Variants in ATXN1 observed in about 807,000 individuals in gnomAD.
The protein encoded by ATXN1 is ataxin-1.
ATXN1 carries 8 observed loss-of-function variants against 56.4 expected under a neutral mutation model. The ratio of observed to expected loss-of-function variants is 0.14; its 90% confidence interval spans 0.08 to 0.26. The LOEUF (loss-of-function observed/expected upper bound fraction) is 0.26. Ranked by LOEUF, ATXN1 falls within the 10% of genes least tolerant of loss-of-function variation. ATXN1 has a pLI of 1.00. For missense variants in ATXN1, 987 were observed against 1,106.5 expected (o/e 0.89, Z 1.53); for synonymous variants, 514 against 494.6 (o/e 1.04, Z -0.52).
intron 6 of ATXN1, among the ~76,000 whole-genome samples, chr6:16,347,160 G>A (rs1037015960): frequency 7.2e-5 from 11 of 152,204 alleles, no homozygotes; most frequent in Non-Finnish European, 1.3e-4. Context: ...GAGCCTCCCC[G>A]ACGAGCGCCG....
At chr6:16,547,801 A>C (rs1375574787) in intron 4 of ATXN1, among the ~76,000 whole-genome samples, 1 of 152,168 alleles carries the variant, frequency 6.6e-6, no homozygotes, top group Non-Finnish European at 1.5e-5. Flanking sequence ...GAGATGAGTC[A>C]TATCAGATTA....
chr6:16,444,654 C>T (rs190840048), intron 6 of ATXN1, among the ~76,000 whole-genome samples: 31 of 152,042 alleles, frequency 2.0e-4, no homozygotes, highest in Admixed American at 7.2e-4. Flanking sequence ...CCTGAAGCAC[C>T]GGGTAGATAA....
intron 3 of ATXN1, among the ~76,000 whole-genome samples, chr6:16,626,988 G>A (rs1417522700): frequency 1.3e-5 from 2 of 152,162 alleles, no homozygotes; most frequent in Non-Finnish European, 2.9e-5. Context: ...TGCTGTTTAA[G>A]CCACTCAGTC....
chr6:16,355,610 G>A (rs181799246), intron 6 of ATXN1, among the ~76,000 whole-genome samples: 2,100 of 151,536 alleles, frequency 0.014, 19 homozygotes, highest in Middle Eastern at 0.041. Flanking sequence ...CGCCCAGGCC[G>A]GTGTGAAGTG....
At chr6:16,750,178 G>A (rs989556345) in intron 2 of ATXN1, 8 of 152,152 alleles carry the variant, frequency 5.3e-5, no homozygotes, top group South Asian at 2.1e-4. Flanking sequence ...CATTCTATTC[G>A]TATTCATTAT....
At chr6:16,744,376 A>G (rs543087175) in intron 2 of ATXN1, among the ~76,000 whole-genome samples, 2 of 152,284 alleles carry the variant, frequency 1.3e-5, no homozygotes, top group South Asian at 2.1e-4. Flanking sequence ...AATGTAAGAC[A>G]GAAGTTGTAA....
At chr6:16,527,066 G>T (rs1581822534) in intron 4 of ATXN1, among the ~76,000 whole-genome samples, 2 of 151,358 alleles carry the variant, frequency 1.3e-5, no homozygotes, top group East Asian at 3.9e-4. Context: ...TCTTTAGAAG[G>T]TATCAAAAAT....
intron 3 of ATXN1, among the ~76,000 whole-genome samples, chr6:16,587,352 G>A (rs941202778): frequency 6.6e-6 from 1 of 152,200 alleles, no homozygotes; most frequent in African/African-American, 2.4e-5. Flanking sequence ...ATATGAAAAT[G>A]AAGAGAGGAA....
chr6:16,694,251 T>G, intron 2 of ATXN1, among the ~76,000 whole-genome samples: 1 of 142,002 alleles, frequency 7.0e-6, no homozygotes, highest in Middle Eastern at 3.8e-3. Context: ...TTTTTTTTTT[T>G]CTTTTTTTTT....
At chr6:16,397,743 C>T (rs1300411368) in intron 6 of ATXN1, among the ~76,000 whole-genome samples, 1 of 152,092 alleles carries the variant, frequency 6.6e-6, no homozygotes, top group Non-Finnish European at 1.5e-5. Context: ...TTTACTCCCT[C>T]TGTTTATCTG....
chr6:16,414,116 C>T (rs927234371), intron 6 of ATXN1, among the ~76,000 whole-genome samples: 47 of 152,138 alleles, frequency 3.1e-4, no homozygotes, highest in African/African-American at 1.1e-3. Flanking sequence ...TTAGAGGTAT[C>T]GATAGGTCCT....
chr6:16,412,973 G>A (rs998791349), intron 6 of ATXN1, among the ~76,000 whole-genome samples: 44 of 152,150 alleles, frequency 2.9e-4, no homozygotes, highest in Admixed American at 2.6e-4. Flanking sequence ...CAAGAAGTAT[G>A]GTCTCTGTCC....
At chr6:16,522,597 A>T (rs1761314720) in intron 5 of ATXN1, 30 bp downstream of exon 5, 1 of 152,176 alleles carries the variant, frequency 6.6e-6, no homozygotes, top group South Asian at 2.1e-4. Flanking sequence ...TGTGGGTAAA[A>T]ATACATGAAA....
At chr6:16,411,125 C>CAAAAAAAAAAAA (rs746717153) in intron 6 of ATXN1, among the ~76,000 whole-genome samples, 26 of 80,568 alleles carry the variant, frequency 3.2e-4, no homozygotes, top group Non-Finnish European at 4.3e-4. Context: ...ACCTCTGTGT[C>CAAAAAAAAAAAA]AAAAAAAAAA....
At chr6:16,420,106 G>A (rs115508308) in intron 6 of ATXN1, among the ~76,000 whole-genome samples, 1,532 of 152,324 alleles carry the variant, frequency 0.01, 17 homozygotes, top group Middle Eastern at 0.027. Flanking sequence ...ATAAGTGATC[G>A]AAAGTCACAC....
At chr6:16,411,530 C>A (rs1179834547) in intron 6 of ATXN1, among the ~76,000 whole-genome samples, 6 of 151,770 alleles carry the variant, frequency 4.0e-5, no homozygotes, top group Non-Finnish European at 8.8e-5. Flanking sequence ...TTTGCCCTGG[C>A]ATAGTTTTTT....
chr6:16,682,449 G>C (rs4712291), intron 2 of ATXN1, among the ~76,000 whole-genome samples: 1 of 151,650 alleles, frequency 6.6e-6, no homozygotes, highest in Non-Finnish European at 1.5e-5. Flanking sequence ...TGTCCGCCTC[G>C]GCCTCCCAAA....
chr6:16,337,495 G>A (rs915063026), intron 6 of ATXN1, among the ~76,000 whole-genome samples: 2 of 152,212 alleles, frequency 1.3e-5, no homozygotes, highest in African/African-American at 4.8e-5. Context: ...TGCCCATGCC[G>A]GAATTCCTGG....
rs780709709 is a variant in ATXN1 at position 16,327,025 on chromosome 6, G to A, written c.1286C>T (p.Ser429Leu). The A allele has an allele frequency of 1.2e-6, 2 of 1,614,182 alleles. No homozygotes were observed. The highest frequency in any genetic ancestry group is 1.7e-6 in the Non-Finnish European group (2 of 1,180,034). Reference sequence around the variant, plus strand: ...TGTGGTCTGAATGACCGTGTGGGGTGAGAGCGCGTAGGACCGGTGGCCAGG... The same window carrying A: ...TGTGGTCTGAATGACCGTGTGGGGTAAGAGCGCGTAGGACCGGTGGCCAGG... ...GKPGHRSYAL[S>L]PHTVIQTTHS... The change falls in exon 7 of 8, where the codon TCA becomes TTA. Residue 429 changes from serine to leucine, a missense_variant. Coordinates refer to ENST00000436367, the MANE Select transcript of ATXN1 (RefSeq NM_001128164.2).
Sources: allele counts gnomAD v4.1 joint callset (sites outside exome capture counted in the v4.1 genomes callset), GRCh38; gene constraint gnomAD v4.1.1; transcripts MANE v1.5; gene names NCBI Gene and HGNC (gene_info 2026-07-23, HGNC 2026-07-21).